Variants in CSMD1 observed in about 807,000 individuals in gnomAD.
The protein encoded by CSMD1 is CUB and Sushi multiple domains 1.
A neutral mutation model predicts 417.5 loss-of-function variants in CSMD1; 213 were observed. The observed-to-expected ratio is 0.51, with a 90% CI of 0.46 to 0.57. The LOEUF is 0.57. Among genes scored for constraint, CSMD1 ranks in the 20% least tolerant of loss-of-function variants. The pLI is 0.00. For synonymous variants in CSMD1, 2,862 were observed against 1,736.8 expected, an observed-to-expected ratio of 1.65 and a Z score of -16.11; for missense variants, 6,923 against 4,529.7, an observed-to-expected ratio of 1.53 and a Z score of -15.17.
intron 3 of CSMD1, among the ~76,000 whole-genome samples, chr8:4,317,573 G>T (rs73174218): frequency 1.2e-4 from 18 of 151,820 alleles, no homozygotes; most frequent in Non-Finnish European, 2.2e-4. Context: ...CAAGTTAAGT[G>T]TCAGTACTCA....
chr8:3,726,403 T>C (rs983216315), intron 6 of CSMD1, among the ~76,000 whole-genome samples: 1 of 152,218 alleles, frequency 6.6e-6, no homozygotes, highest in African/African-American at 2.4e-5. Flanking sequence ...TAAGTCTCTA[T>C]AATTAGAAAG....
chr8:3,632,539 A>G (rs1257785798), intron 7 of CSMD1, among the ~76,000 whole-genome samples: 1 of 152,194 alleles, frequency 6.6e-6, no homozygotes. Flanking sequence ...GGTTAGAACA[A>G]GTGGGATGTC....
At chr8:4,886,791 T>C (rs748375172) in intron 1 of CSMD1, among the ~76,000 whole-genome samples, 3 of 152,096 alleles carry the variant, frequency 2.0e-5, no homozygotes, top group African/African-American at 7.2e-5. Context: ...ATAAATTTAT[T>C]CTTAAAATAT....
At chr8:3,074,689 A>G (rs1318030615) in intron 49 of CSMD1, among the ~76,000 whole-genome samples, 5 of 152,252 alleles carry the variant, frequency 3.3e-5, no homozygotes, top group East Asian at 3.8e-4. Context: ...ATAGTTAGAA[A>G]CGACATAACT....
intron 11 of CSMD1, among the ~76,000 whole-genome samples, chr8:3,492,014 G>A (rs923041956): frequency 4.6e-5 from 7 of 152,226 alleles, no homozygotes; most frequent in African/African-American, 9.6e-5. Context: ...CAGGGCAAAT[G>A]GGAGGGGTAG....
intron 1 of CSMD1, among the ~76,000 whole-genome samples, chr8:4,905,267 T>C (rs1432639036): frequency 6.6e-6 from 1 of 152,254 alleles, no homozygotes; most frequent in African/African-American, 2.4e-5. Context: ...CTATTTTCAG[T>C]CATTTGCTGA....
At chr8:2,989,112 G>A (rs1806169105) in intron 54 of CSMD1, among the ~76,000 whole-genome samples, 1 of 152,224 alleles carries the variant, frequency 6.6e-6, no homozygotes, top group African/African-American at 2.4e-5. Context: ...ACTCTTGTGA[G>A]AATATTTTAA....
At chr8:4,089,704 A>G (rs1292748329) in intron 3 of CSMD1, among the ~76,000 whole-genome samples, 1 of 152,202 alleles carries the variant, frequency 6.6e-6, no homozygotes, top group Admixed American at 6.5e-5. Context: ...CCAACACAGA[A>G]AGCTAGCTCA....
At chr8:4,459,674 A>C (rs1799691344) in intron 2 of CSMD1, among the ~76,000 whole-genome samples, 2 of 152,204 alleles carry the variant, frequency 1.3e-5, no homozygotes, top group Admixed American at 1.3e-4. Context: ...CCTGCAAAGA[A>C]GTGTGGACAT....
chr8:3,449,425 G>A (rs1450063988), intron 12 of CSMD1, among the ~76,000 whole-genome samples: 2 of 152,040 alleles, frequency 1.3e-5, no homozygotes, highest in Non-Finnish European at 2.9e-5. Flanking sequence ...CTCCCACCAT[G>A]CCTAAGGATG....
At chr8:4,390,517 A>ATTTATTTATTTATTTATTTT in intron 3 of CSMD1, among the ~76,000 whole-genome samples, 1 of 149,122 alleles carries the variant, frequency 6.7e-6, no homozygotes, top group Non-Finnish European at 1.5e-5. Flanking sequence ...TTATTTATTT[A>ATTTATTTATTTATTTATTTT]TTTATTTATT....
intron 2 of CSMD1, among the ~76,000 whole-genome samples, chr8:4,457,558 T>G (rs373014372): frequency 6.6e-6 from 1 of 152,020 alleles, no homozygotes; most frequent in Admixed American, 6.6e-5. Context: ...TAGATGGGCC[T>G]GTTAATTTAT....
chr8:4,973,642 T>G (rs1025851832), intron 1 of CSMD1, among the ~76,000 whole-genome samples: 1 of 152,184 alleles, frequency 6.6e-6, no homozygotes, highest in African/African-American at 2.4e-5. Context: ...CAAATGCCAT[T>G]AAGTACACTC....
intron 1 of CSMD1, among the ~76,000 whole-genome samples, chr8:4,883,853 G>T (rs1428616243): frequency 6.6e-6 from 1 of 151,900 alleles, no homozygotes; most frequent in African/African-American, 2.4e-5. Flanking sequence ...ATAACTGGGG[G>T]TGAAATTTCT....
chr8:4,968,727 G>A (rs568453508), intron 1 of CSMD1, among the ~76,000 whole-genome samples: 19 of 152,192 alleles, frequency 1.2e-4, no homozygotes, highest in African/African-American at 4.1e-4. Context: ...ATAAACGTTT[G>A]CTGGTTTAGT....
chr8:3,465,556 A>C (rs559756609), intron 12 of CSMD1, among the ~76,000 whole-genome samples: 5 of 152,206 alleles, frequency 3.3e-5, no homozygotes, highest in Non-Finnish European at 4.4e-5. Flanking sequence ...TTTCTCAGAG[A>C]CAACAGTGCC....
chr8:4,772,549 G>C (rs774297099), intron 1 of CSMD1, among the ~76,000 whole-genome samples: 7 of 152,092 alleles, frequency 4.6e-5, no homozygotes, highest in African/African-American at 1.2e-4. Flanking sequence ...GTTTTTAGCA[G>C]TCACATATGT....
intron 4 of CSMD1, among the ~76,000 whole-genome samples, chr8:4,000,906 A>C (rs929618706): frequency 4.6e-5 from 7 of 152,270 alleles, no homozygotes; most frequent in African/African-American, 1.7e-4. Context: ...AAAGAAAATT[A>C]TCAAAGTCCA....
chr8:3,018,432 A>G (rs758218648), intron 52 of CSMD1, 45 bp downstream of exon 52: 7 of 1,569,396 alleles, frequency 4.5e-6, no homozygotes, highest in Middle Eastern at 1.7e-4. Context: ...TCTATTTCTA[A>G]GGTTTATCTG....
Sources: gnomAD v4.1 joint callset for allele counts (sites outside exome capture counted in the v4.1 genomes callset) on GRCh38, gnomAD v4.1.1 for gene constraint, MANE v1.5 for transcripts, NCBI Gene and HGNC (gene_info 2026-07-23, HGNC 2026-07-21) for gene names.